The following CAMTA1 variants were observed in gnomAD, a reference collection of about 807,000 sequenced individuals.
The protein encoded by CAMTA1 is calmodulin binding transcription activator 1, also known as calmodulin-binding transcription activator 1.
In CAMTA1, 27 loss-of-function variants were observed where a neutral mutation model predicts 170.9. The ratio of observed to expected loss-of-function variants is 0.16; its 90% CI spans 0.12 to 0.22. The LOEUF (loss-of-function observed/expected upper bound fraction) is 0.22. Ranked by LOEUF, CAMTA1 falls within the 10% of genes least tolerant of loss-of-function variation. The pLI is 1.00. For missense variants in CAMTA1, 1,619 were observed against 2,217.2 expected (o/e 0.73, Z 5.42); for synonymous variants, 833 against 891.5 (o/e 0.93, Z 1.17).
chr1:7,236,809 C>T (rs1470364517), intron 4 of CAMTA1, among the ~76,000 whole-genome samples: 1 of 152,224 alleles, frequency 6.6e-6, no homozygotes, highest in East Asian at 1.9e-4. Context: ...GCATGGAAAT[C>T]AGGCCATTCC....
Position 7,486,497 on chromosome 1 carries a change from G to A in CAMTA1, c.510+18596G>A, listed in dbSNP as rs1037657489. 2.0e-5 allele frequency among the ~76,000 whole-genome samples: 3 copies of A among 152,264 alleles called. No homozygotes were observed. The East Asian group carries it at 5.8e-4, about 29-fold the overall frequency. ...ATGCTCATGCCTTAAGGAATGAAAG[G>A]CAGGGTCTCCCTCTTGAGCCTCCCC... is the stretch of plus-strand genomic sequence containing the variant. On this transcript the variant is annotated intron_variant, in intron 6 of 22. Coordinates refer to ENST00000303635, the MANE Select transcript of CAMTA1 (RefSeq NM_015215.4).
At chr1:7,520,014 G>T (rs543322344) in intron 6 of CAMTA1, among the ~76,000 whole-genome samples, 23 of 150,474 alleles carry the variant, frequency 1.5e-4, no homozygotes, top group Admixed American at 1.1e-3. Flanking sequence ...ATCACTCCAT[G>T]TTGTTCCCCT....
rs528941438 is a variant in CAMTA1, at chr1:6,950,113, C to T, written c.234+124903C>T. Among the ~76,000 whole-genome samples, 18 of 152,310 alleles carry T rather than the reference C, an allele frequency of 1.2e-4. No homozygotes were observed. In the East Asian group the frequency reaches 2.7e-3, roughly 23 times the overall value. ...AGTTCAGCCTCTGGCCGTTGCCTCA[C>T]GGAGGCTGAGCAGAGGTCTCATCTG... is the stretch of plus-strand genomic sequence containing the variant. On this transcript the variant is annotated intron_variant, in intron 3 of 22. Transcript: ENST00000303635.
intron 3 of CAMTA1, among the ~76,000 whole-genome samples, chr1:6,828,717 A>AG (rs1167774542): frequency 1.3e-5 from 2 of 152,028 alleles, no homozygotes; most frequent in Admixed American, 1.3e-4. Context: ...GAGTGTAGGT[A>AG]GACAGTAGTT....
intron 4 of CAMTA1, among the ~76,000 whole-genome samples, chr1:7,178,966 G>T (rs536150550): frequency 6.6e-6 from 1 of 152,352 alleles, no homozygotes; most frequent in East Asian, 1.9e-4. Flanking sequence ...GATGCTGGCT[G>T]TGTGAACCAG....
chr1:7,132,072 C>T lies in CAMTA1; in HGVS notation c.302+40701C>T, dbSNP rs550152221. Among the ~76,000 whole-genome samples, 343 of 151,712 alleles carry T rather than the reference C, an allele frequency of 2.3e-3. 3 individuals carry two copies. The highest frequency in any genetic ancestry group is 7.9e-3 in the African/African-American group (327 of 41,386). ...TTACACACACACACACACACACACA[C>T]GCACACACACTCCAATTTTGTTCAT... On this transcript the variant is annotated intron_variant, in intron 4 of 22. Transcript: ENST00000303635.
intron 6 of CAMTA1, among the ~76,000 whole-genome samples, chr1:7,587,151 G>A (rs1325952488): frequency 6.6e-6 from 1 of 152,080 alleles, no homozygotes; most frequent in Non-Finnish European, 1.5e-5. Flanking sequence ...CAGACCAGGT[G>A]AGAGGGAAGA....
chr1:6,820,049 C>G (rs761641143), intron 1 of CAMTA1, 132 bp from the exon 2 acceptor site: 1 of 656,022 alleles, frequency 1.5e-6, no homozygotes. Context: ...GTGGAATGTT[C>G]CTTGATTTGG....
At chr1:6,808,127 G>A (rs1447632833) in intron 1 of CAMTA1, among the ~76,000 whole-genome samples, 2 of 151,944 alleles carry the variant, frequency 1.3e-5, no homozygotes, top group Admixed American at 6.6e-5. Flanking sequence ...ATATGGGTAG[G>A]TAAGCCTCGG....
Position 7,641,984 on chromosome 1 carries a change from G to A in CAMTA1, c.664+1431G>A, listed in dbSNP as rs1334742341. The stretch of plus-strand genomic sequence containing the variant: ...GCCCCCGGCCTCTGCAGGACTCTGC[G>A]CCCTTTCCACCTGCTGTAGTCCCCA... On this transcript the variant is annotated intron_variant, in intron 7 of 22. Transcript: ENST00000303635. The surrounding 1 kb of genome is among the most constrained non-coding windows in gnomAD (Gnocchi z 4.5). Among the ~76,000 whole-genome samples the A allele has an allele frequency of 1.4e-5, 2 of 148,054 alleles. No homozygotes were observed. The highest frequency in any genetic ancestry group is 6.8e-5 in the Admixed American group (1 of 14,768).
intron 3 of CAMTA1, among the ~76,000 whole-genome samples, chr1:7,040,215 G>C (rs1218288292): frequency 6.7e-6 from 1 of 149,868 alleles, no homozygotes; most frequent in Admixed American, 6.7e-5. Flanking sequence ...AGTTTCAAAA[G>C]CTGCCAGCAT....
At chr1:6,809,368 G>A (rs1417034991) in intron 1 of CAMTA1, among the ~76,000 whole-genome samples, 3 of 152,108 alleles carry the variant, frequency 2.0e-5, no homozygotes, top group Non-Finnish European at 2.9e-5. Context: ...GCTTTAGAAT[G>A]TGTATATACA....
chr1:7,232,961 T>C (rs1001631387), intron 4 of CAMTA1, among the ~76,000 whole-genome samples: 3 of 134,542 alleles, frequency 2.2e-5, no homozygotes, highest in African/African-American at 8.4e-5. Context: ...TCTTTTTTTT[T>C]TTTCCCTCCC....
chr1:7,327,730 A>C (rs1422680950), intron 5 of CAMTA1, among the ~76,000 whole-genome samples: 1 of 152,148 alleles, frequency 6.6e-6, no homozygotes. Flanking sequence ...TCTCCATTCC[A>C]CCACTTTATT....
chr1:6,884,326 ACACACACAC>A (rs1557761996), intron 3 of CAMTA1, among the ~76,000 whole-genome samples: 13 of 149,528 alleles, frequency 8.7e-5, no homozygotes, highest in South Asian at 4.4e-4. Flanking sequence ...ACACACACAC[ACACACACAC>A]AATTTTGTTT....
chr1:6,811,402 T>C (rs762518759), intron 1 of CAMTA1, among the ~76,000 whole-genome samples: 4 of 152,184 alleles, frequency 2.6e-5, no homozygotes, highest in Non-Finnish European at 4.4e-5. Flanking sequence ...AACACTGTGA[T>C]TTGGGTTTTT....
At chr1:7,556,424 G>A (rs945999669) in intron 6 of CAMTA1, among the ~76,000 whole-genome samples, 5 of 152,192 alleles carry the variant, frequency 3.3e-5, no homozygotes, top group African/African-American at 9.7e-5. Flanking sequence ...ATGGCATGAC[G>A]ACTGTGCCTT....
chr1:7,355,864 G>A (rs771224118), intron 5 of CAMTA1, among the ~76,000 whole-genome samples: 1 of 152,206 alleles, frequency 6.6e-6, no homozygotes, highest in Non-Finnish European at 1.5e-5. Flanking sequence ...CCACCCCAGG[G>A]CCTTTGCACA....
chr1:7,410,160 C>T (rs1158877346), intron 5 of CAMTA1, among the ~76,000 whole-genome samples: 4 of 152,192 alleles, frequency 2.6e-5, no homozygotes, highest in South Asian at 4.1e-4. Context: ...GCTGTAAATG[C>T]GTAAACTTAG....
Sources: gnomAD v4.1 joint callset for allele counts (sites outside exome capture counted in the v4.1 genomes callset) on GRCh38, gnomAD v4.1.1 for gene constraint, Gnocchi (gnomAD v3.1) non-coding constraint, MANE v1.5 for transcripts, NCBI Gene and HGNC (gene_info 2026-07-23, HGNC 2026-07-21) for gene names.